Variants in FGF1 observed in about 807,000 individuals in gnomAD.
FGF1 encodes the protein beta-endothelial cell growth factor.
In FGF1, 9 loss-of-function variants were observed where a neutral mutation model predicts 13.4. The observed-to-expected ratio is 0.67, with a 90% CI of 0.40 to 1.17. The LOEUF (loss-of-function observed/expected upper bound fraction) is 1.17. Among genes scored for constraint, FGF1 ranks in the 50% most tolerant of loss-of-function variants. FGF1 has a pLI of 0.01. For synonymous variants in FGF1, 93 were observed against 79.0 expected, an observed-to-expected ratio of 1.18 and a Z score of -0.94; for missense variants, 156 against 192.7, an observed-to-expected ratio of 0.81 and a Z score of 1.13.
chr5:142,639,230 T>A (rs1000183584), intron 1 of FGF1, among the ~76,000 whole-genome samples: 1 of 152,022 alleles, frequency 6.6e-6, no homozygotes, highest in Non-Finnish European at 1.5e-5. Flanking sequence ...CTGTGTGCAT[T>A]GCTACATTAT....
intron 1 of FGF1, among the ~76,000 whole-genome samples, chr5:142,653,570 T>C (rs1051840129): frequency 1.3e-5 from 2 of 152,148 alleles, no homozygotes; most frequent in Non-Finnish European, 2.9e-5. Context: ...GCACACACTC[T>C]CCTCACTGCC....
chr5:142,616,749 C>T (rs1484404228), intron 1 of FGF1, among the ~76,000 whole-genome samples: 1 of 152,188 alleles, frequency 6.6e-6, no homozygotes, highest in Non-Finnish European at 1.5e-5. Flanking sequence ...TAATGTAAAG[C>T]AATTTAGCTC....
chr5:142,683,740 G>T (rs1774152191), intron 1 of FGF1, among the ~76,000 whole-genome samples: 1 of 147,148 alleles, frequency 6.8e-6, no homozygotes, highest in Admixed American at 6.9e-5. Flanking sequence ...AGAATTGCTT[G>T]AACCCGGGAG....
At chr5:142,602,469 C>T (rs1052019152) in intron 2 of FGF1, among the ~76,000 whole-genome samples, 13 of 152,182 alleles carry the variant, frequency 8.5e-5, no homozygotes, top group Non-Finnish European at 1.9e-4. Context: ...GCCACTGCGC[C>T]TGGCCTGTTT....
chr5:142,627,590 G>A (rs1041487714), intron 1 of FGF1, among the ~76,000 whole-genome samples: 6 of 152,178 alleles, frequency 3.9e-5, no homozygotes, highest in Non-Finnish European at 8.8e-5. Context: ...TCATATGTCA[G>A]ACTCCATTCT....
rs1751095487 is a variant in FGF1 at position 142,685,987 on chromosome 5, T to A, written c.-65A>T. 1 of 152,138 alleles carries A rather than the reference T, an allele frequency of 6.6e-6. No homozygotes were observed. The highest frequency in any genetic ancestry group is 1.5e-5 in the Non-Finnish European group (1 of 68,094). 9.4% of individuals were successfully genotyped at this position (152,138 alleles called of 1,614,324 possible). A position where few individuals can be genotyped will look rare whatever the true frequency, so the allele number is the denominator to read the frequency against. On this transcript the variant is annotated 5_prime_UTR_variant, in exon 1 of 4. Transcript: ENST00000337706. ...GAGCTTGTAGGCCGAGGGCTGTACC[T>A]CTCTCCACACTCGCTCAGTGCTGTC...
chr5:142,630,906 A>G (rs1332360114), intron 1 of FGF1, among the ~76,000 whole-genome samples: 1 of 152,192 alleles, frequency 6.6e-6, no homozygotes, highest in African/African-American at 2.4e-5. Context: ...GTAATTAATT[A>G]TATATCCATC....
intron 1 of FGF1, among the ~76,000 whole-genome samples, chr5:142,664,938 G>T (rs1401334025): frequency 6.6e-6 from 1 of 152,208 alleles, no homozygotes; most frequent in Non-Finnish European, 1.5e-5. Flanking sequence ...ATGAGGTAAA[G>T]TTACGTAAGG....
At chr5:142,604,003 A>G (rs555349689) in intron 2 of FGF1, among the ~76,000 whole-genome samples, 1 of 152,338 alleles carries the variant, frequency 6.6e-6, no homozygotes, top group South Asian at 2.1e-4. Context: ...GTGGGAAGAA[A>G]GCATCACAAA....
chr5:142,613,699 G>A (rs1459906313), intron 2 of FGF1, among the ~76,000 whole-genome samples: 4 of 152,194 alleles, frequency 2.6e-5, no homozygotes, highest in Admixed American at 6.5e-5. Context: ...ATTGAGCACC[G>A]GCAGCCCGTT....
At chr5:142,689,843 C>T (rs994503440), upstream of FGF1, among the ~76,000 whole-genome samples, 3 of 150,546 alleles carry the variant, frequency 2.0e-5, no homozygotes, top group Non-Finnish European at 3.0e-5. Flanking sequence ...GGACTACAGG[C>T]GCCCGCTACC....
At chr5:142,653,439 CA>C (rs1767614515) in intron 1 of FGF1, among the ~76,000 whole-genome samples, 1 of 152,164 alleles carries the variant, frequency 6.6e-6, no homozygotes, top group Non-Finnish European at 1.5e-5. Flanking sequence ...ACATGGGGTC[CA>C]GCCCTGCTGA....
chr5:142,661,986 C>T (rs933661738), intron 1 of FGF1, among the ~76,000 whole-genome samples: 3 of 151,658 alleles, frequency 2.0e-5, no homozygotes, highest in African/African-American at 7.3e-5. Flanking sequence ...GGCGACAGAG[C>T]AAGACTGCGT....
At chr5:142,689,896 T>A (rs1404492743), upstream of FGF1, among the ~76,000 whole-genome samples, 2 of 148,636 alleles carry the variant, frequency 1.3e-5, no homozygotes, top group East Asian at 4.2e-4. Context: ...AGAGACAGGG[T>A]TTCACCGTGT....
chr5:142,593,076 T>C lies in FGF1; in HGVS notation c.*2214A>G, dbSNP rs937929048. ...TGAGATGGTCGAGGTCACATTGGTG[T>C]TTTTACTACAATGCTTTGCATCTCC... On this transcript the variant is annotated 3_prime_UTR_variant, in exon 4 of 4. Coordinates refer to ENST00000337706, the MANE Select transcript of FGF1 (RefSeq NM_000800.5). 1 of 152,204 alleles carries C rather than the reference T, an allele frequency of 6.6e-6. No individual in the cohort carries two copies. Among genetic ancestry groups the C allele is most frequent in the African/African-American group, 2.4e-5 (1 of 41,456 alleles). The allele number at this position is 152,204 out of a possible 1,614,324, so 9.4% of individuals were successfully genotyped here.
At chr5:142,688,618 C>A (rs1751642760), upstream of FGF1, among the ~76,000 whole-genome samples, 1 of 152,226 alleles carries the variant, frequency 6.6e-6, no homozygotes, top group East Asian at 1.9e-4. Flanking sequence ...AAAGCCATTT[C>A]TGCCCTGATA....
At chr5:142,614,246 G>T in intron 1 of FGF1, 85 bp from the exon 2 acceptor site, 3 of 1,083,064 alleles carry the variant, frequency 2.8e-6, no homozygotes, top group Non-Finnish European at 4.0e-6. Flanking sequence ...CAGCTCCAGG[G>T]CACAGGGTTC....
chr5:142,620,154 A>C (rs1452945446), intron 1 of FGF1, among the ~76,000 whole-genome samples: 1 of 152,204 alleles, frequency 6.6e-6, no homozygotes, highest in Non-Finnish European at 1.5e-5. Flanking sequence ...GCGGTGGCTC[A>C]CGCCTGTAAT....
At chr5:142,624,511 A>G (rs1762152544) in intron 1 of FGF1, among the ~76,000 whole-genome samples, 1 of 152,250 alleles carries the variant, frequency 6.6e-6, no homozygotes, top group Non-Finnish European at 1.5e-5. Flanking sequence ...AATTTTCAGT[A>G]TATTTCATGG....
Sources: allele counts gnomAD v4.1 joint callset (sites outside exome capture counted in the v4.1 genomes callset), GRCh38; gene constraint gnomAD v4.1.1; transcripts MANE v1.5; gene names NCBI Gene and HGNC (gene_info 2026-07-23, HGNC 2026-07-21).